CLYBL: variants seen among roughly 807,000 people sequenced by gnomAD.
CLYBL encodes citramalyl-CoA lyase.
Under a neutral mutation model 38.9 loss-of-function variants are expected in CLYBL, and 31 were observed. The ratio of observed to expected loss-of-function variants is 0.80; its 90% CI spans 0.60 to 1.08. CLYBL has a LOEUF of 1.08. Among genes scored for constraint, CLYBL ranks in the 50% least tolerant of loss-of-function variants. The pLI is 0.00. For missense variants in CLYBL, 434 were observed against 411.6 expected (o/e 1.05, Z -0.47); for synonymous variants, 171 against 158.6 (o/e 1.08, Z -0.59).
chr13:99,624,281 T>C (rs2139213254), intron 1 of CLYBL, among the ~76,000 whole-genome samples: 1 of 152,328 alleles, frequency 6.6e-6, no homozygotes, highest in South Asian at 2.1e-4. Context: ...GCACAGTGCC[T>C]GACACAGTAG....
intron 1 of CLYBL, among the ~76,000 whole-genome samples, chr13:99,682,429 A>G (rs2047749705): frequency 6.6e-6 from 1 of 152,126 alleles, no homozygotes; most frequent in South Asian, 2.1e-4. Context: ...GGAGTGAGCC[A>G]CCGCGCCCAG....
chr13:99,819,161 C>T (rs987984315), intron 2 of CLYBL, among the ~76,000 whole-genome samples: 1 of 151,486 alleles, frequency 6.6e-6, no homozygotes, highest in Non-Finnish European at 1.5e-5. Context: ...GCCTGGTCAA[C>T]ATAATATCTC....
chr13:99,689,676 T>G (rs1357702563), intron 1 of CLYBL, among the ~76,000 whole-genome samples: 2 of 152,232 alleles, frequency 1.3e-5, no homozygotes, highest in African/African-American at 2.4e-5. Context: ...TATTTACTAT[T>G]ACTTTCTAAA....
rs891284681 is a variant in CLYBL at position 99,740,168 on chromosome 13, G to A, written c.63-32656G>A. On this transcript the variant is annotated intron_variant, in intron 1 of 8. Transcript: ENST00000339105. The stretch of plus-strand genomic sequence containing the variant: ...GCTTCAAACTTAAAGAAATTTGTAC[G>A]TGCCCAGGAACGCTCTATCTTCGCC... Among the ~76,000 whole-genome samples the A allele has an allele frequency of 3.3e-5, 5 of 152,102 alleles. No individual in the cohort carries two copies. The East Asian group carries it at 5.8e-4, about 18-fold the overall frequency.
chr13:99,739,930 C>T (rs549526390), intron 1 of CLYBL, among the ~76,000 whole-genome samples: 1 of 152,098 alleles, frequency 6.6e-6, no homozygotes, highest in Non-Finnish European at 1.5e-5. Flanking sequence ...AAGATCGTAC[C>T]ATTGCACTCC....
chr13:99,641,406 A>G (rs533339137), intron 1 of CLYBL, among the ~76,000 whole-genome samples: 2 of 152,308 alleles, frequency 1.3e-5, no homozygotes, highest in African/African-American at 4.8e-5. Context: ...GCAGTGGCTC[A>G]CGCCTGTAAT....
intron 1 of CLYBL, among the ~76,000 whole-genome samples, chr13:99,623,146 T>C (rs1248777077): frequency 6.6e-6 from 1 of 152,262 alleles, no homozygotes; most frequent in Non-Finnish European, 1.5e-5. Context: ...TGCCATATAG[T>C]AATTCTATGT....
chr13:99,619,822 A>G (rs1465843620), intron 1 of CLYBL, among the ~76,000 whole-genome samples: 2 of 152,212 alleles, frequency 1.3e-5, no homozygotes, highest in African/African-American at 4.8e-5. Flanking sequence ...CCCTCAAGTA[A>G]GACGACCTTG....
chr13:99,801,412 T>C (rs1189574313), intron 2 of CLYBL, among the ~76,000 whole-genome samples: 1 of 149,228 alleles, frequency 6.7e-6, no homozygotes, highest in East Asian at 2.0e-4. Flanking sequence ...AAGGCATTCT[T>C]TTATTGCCAT....
intron 1 of CLYBL, among the ~76,000 whole-genome samples, chr13:99,754,115 A>G (rs2049008298): frequency 7.2e-6 from 1 of 138,538 alleles, no homozygotes; most frequent in South Asian, 2.4e-4. Context: ...AAAAAAAAAA[A>G]GTATTAGGAC....
intron 1 of CLYBL, among the ~76,000 whole-genome samples, chr13:99,696,475 C>T (rs561641276): frequency 1.3e-5 from 2 of 152,110 alleles, no homozygotes; most frequent in South Asian, 4.2e-4. Context: ...AGCAATCCTT[C>T]CAAAGTGCAG....
intron 1 of CLYBL, among the ~76,000 whole-genome samples, chr13:99,641,697 A>T (rs1413608480): frequency 6.6e-6 from 1 of 151,972 alleles, no homozygotes; most frequent in African/African-American, 2.4e-5. Context: ...CTGTAGTCCC[A>T]GCTACTTGGG....
chr13:99,637,785 CCTA>C (rs981153357), intron 1 of CLYBL, among the ~76,000 whole-genome samples: 6 of 152,054 alleles, frequency 3.9e-5, no homozygotes, highest in Non-Finnish European at 8.8e-5. Flanking sequence ...CCATAAAATT[CCTA>C]CAAAGTGTGA....
chr13:99,712,734 T>C (rs1408931293), intron 1 of CLYBL, among the ~76,000 whole-genome samples: 1 of 152,196 alleles, frequency 6.6e-6, no homozygotes, highest in African/African-American at 2.4e-5. Context: ...TTACTACTTT[T>C]GATTTTGTTT....
intron 2 of CLYBL, among the ~76,000 whole-genome samples, chr13:99,773,295 T>C (rs1208159294): frequency 6.6e-6 from 1 of 152,172 alleles, no homozygotes; most frequent in Admixed American, 6.5e-5. Flanking sequence ...CCATGATGTT[T>C]GCCGGTCTAG....
intron 1 of CLYBL, among the ~76,000 whole-genome samples, chr13:99,715,625 G>T (rs2048300665): frequency 6.6e-6 from 1 of 152,012 alleles, no homozygotes; most frequent in Non-Finnish European, 1.5e-5. Flanking sequence ...CTCCCAAAGT[G>T]CTGGGATTAC....
chr13:99,657,585 A>G (rs1368492405), intron 1 of CLYBL, among the ~76,000 whole-genome samples: 2 of 152,202 alleles, frequency 1.3e-5, no homozygotes, highest in East Asian at 1.9e-4. Context: ...AACAGATTGT[A>G]GTTAGATCAT....
intron 1 of CLYBL, among the ~76,000 whole-genome samples, chr13:99,720,094 AT>A (rs57285548): frequency 8.0e-5 from 12 of 149,156 alleles, no homozygotes; most frequent in Admixed American, 1.3e-4. Context: ...AGTTCTCTTT[AT>A]TTTTTTTAAG....
intron 2 of CLYBL, among the ~76,000 whole-genome samples, chr13:99,797,682 C>A (rs2050051701): frequency 6.6e-6 from 1 of 151,726 alleles, no homozygotes; most frequent in African/African-American, 2.4e-5. Context: ...CATTCTCTGC[C>A]AATACGTTCC....
Sources: gnomAD v4.1 joint callset for allele counts (sites outside exome capture counted in the v4.1 genomes callset) on GRCh38, gnomAD v4.1.1 for gene constraint, MANE v1.5 for transcripts, NCBI Gene and HGNC (gene_info 2026-07-23, HGNC 2026-07-21) for gene names.